The following FNDC3B variants were observed in gnomAD, a reference collection of about 807,000 sequenced individuals.
The protein encoded by FNDC3B is fibronectin type III domain-containing protein 3B.
A neutral mutation model predicts 151.5 loss-of-function variants in FNDC3B; 12 were observed. That is an observed-to-expected ratio of 0.08 (90% CI 0.05 to 0.13). The LOEUF (loss-of-function observed/expected upper bound fraction) is 0.13, where lower values mean the gene tolerates loss of function less well. Among genes scored for constraint, FNDC3B ranks in the 10% least tolerant of loss-of-function variants. The pLI is 1.00. For missense variants in FNDC3B, 1,214 were observed against 1,505.3 expected (o/e 0.81, Z 3.20); for synonymous variants, 528 against 549.0 (o/e 0.96, Z 0.54).
intron 16 of FNDC3B, 67 bp downstream of exon 16, chr3:172,337,468 T>C (rs748717967): frequency 1.0e-6 from 1 of 1,001,394 alleles, no homozygotes; most frequent in Non-Finnish European, 1.6e-6. Context: ...ATAGTAAATG[T>C]CTTTATAGTA....
intron 11 of FNDC3B, among the ~76,000 whole-genome samples, chr3:172,316,153 G>A (rs55686146): frequency 0.11 from 16,664 of 151,712 alleles, 948 homozygotes; most frequent in Middle Eastern, 0.19. Flanking sequence ...GATTACAGGC[G>A]TCTGCCACCA....
At chr3:172,296,846 G>C (rs1188713323) in intron 8 of FNDC3B, among the ~76,000 whole-genome samples, 2 of 152,174 alleles carry the variant, frequency 1.3e-5, no homozygotes, top group African/African-American at 4.8e-5. Flanking sequence ...GAGACCTGTG[G>C]ATATGCAGGG....
chr3:172,057,427 T>C (rs753022361), intron 1 of FNDC3B, among the ~76,000 whole-genome samples: 5 of 152,244 alleles, frequency 3.3e-5, no homozygotes, highest in Non-Finnish European at 7.3e-5. Flanking sequence ...ATGGAATGTT[T>C]GGCAGAGATG....
intron 23 of FNDC3B, among the ~76,000 whole-genome samples, chr3:172,368,553 C>A (rs566875): frequency 5.9e-5 from 9 of 152,122 alleles, no homozygotes; most frequent in African/African-American, 2.2e-4. Context: ...TCATGATTCT[C>A]GACATGGGTA....
At chr3:172,231,453 A>G (rs1726883633) in intron 4 of FNDC3B, among the ~76,000 whole-genome samples, 1 of 152,186 alleles carries the variant, frequency 6.6e-6, no homozygotes, top group Non-Finnish European at 1.5e-5. Flanking sequence ...AAATCTCAAT[A>G]AAGCTAGTAC....
chr3:172,383,558 G>A (rs1458868091), intron 25 of FNDC3B, among the ~76,000 whole-genome samples: 4 of 152,284 alleles, frequency 2.6e-5, no homozygotes, highest in Admixed American at 6.5e-5. Context: ...AATGTCAAAG[G>A]AATCACCCGG....
chr3:172,239,815 C>G (rs1469581949), intron 4 of FNDC3B, among the ~76,000 whole-genome samples: 2 of 145,982 alleles, frequency 1.4e-5, no homozygotes, highest in East Asian at 3.9e-4. Context: ...AACAACAACC[C>G]TCAAAAAAAT....
intron 10 of FNDC3B, among the ~76,000 whole-genome samples, chr3:172,310,012 T>G (rs1028822072): frequency 5.3e-5 from 8 of 152,070 alleles, no homozygotes; most frequent in African/African-American, 1.7e-4. Context: ...CCTGGCATGT[T>G]TTTGAAGTGG....
intron 3 of FNDC3B, among the ~76,000 whole-genome samples, chr3:172,162,314 G>A (rs546658274): frequency 6.6e-6 from 1 of 152,240 alleles, no homozygotes; most frequent in South Asian, 2.1e-4. Context: ...TGTAGCATGT[G>A]TCAGTTCTTC....
chr3:172,372,913 G>A (rs1734950580), intron 23 of FNDC3B, among the ~76,000 whole-genome samples: 1 of 152,182 alleles, frequency 6.6e-6, no homozygotes, highest in Non-Finnish European at 1.5e-5. Context: ...TTACAAATGG[G>A]AGGAACTGAC....
Position 172,222,117 on chromosome 3 carries a change from A to G in FNDC3B, c.188-4754A>G, listed in dbSNP as rs560081052. Among the ~76,000 whole-genome samples, 10 of 152,306 alleles carry G rather than the reference A, an allele frequency of 6.6e-5. No individual in the cohort carries two copies. The South Asian group carries it at 8.3e-4, about 13-fold the overall frequency. ...TTTTGAGCAAGATGATATTTAAATC[A>G]ATTAGGAAAAAATGTGATCTATTGC... On this transcript the variant is annotated intron_variant, in intron 3 of 25. Transcript: ENST00000415807.
chr3:172,335,045 A>C lies in FNDC3B; in HGVS notation c.1743A>C (p.Lys581Asn), dbSNP rs1000533346. 1.9e-6 allele frequency: 3 copies of C among 1,612,690 alleles called. No individual in the cohort carries two copies. In the East Asian group the frequency reaches 6.7e-5, roughly 36 times the overall value. Residue 581 changes from lysine to asparagine, a missense_variant, in exon 15 of 26, where the codon AAA (lysine) becomes AAC (asparagine). Lys to Asn is a moderately conservative substitution (Grantham distance 94, BLOSUM62 0). This residue lies in a region of FNDC3B where 380 missense variants were observed against 420.9 expected (regional missense o/e 0.90). Transcript: ENST00000415807. ...RPGPPTRPLVKGPVTSHGFSV... is the reference protein window; with the variant it reads ...RPGPPTRPLVNGPVTSHGFSV... ...GACCTCCTACCAGACCGCTTGTCAA[A>C]GGCCCAGTTACATCTCATGGCTTTA...
At chr3:172,110,543 C>G (rs2108537240) in intron 1 of FNDC3B, among the ~76,000 whole-genome samples, 1 of 151,996 alleles carries the variant, frequency 6.6e-6, no homozygotes, top group East Asian at 2.0e-4. Flanking sequence ...GGGTTTACTC[C>G]TCTTGCCTTG....
At chr3:172,171,481 C>T (rs1723278953) in intron 3 of FNDC3B, among the ~76,000 whole-genome samples, 1 of 151,992 alleles carries the variant, frequency 6.6e-6, no homozygotes, top group African/African-American at 2.4e-5. Context: ...CTTTTTAAAA[C>T]TCTCTTTGCA....
At chr3:172,084,858 A>G (rs1718469768) in intron 1 of FNDC3B, among the ~76,000 whole-genome samples, 2 of 152,356 alleles carry the variant, frequency 1.3e-5, no homozygotes, top group Non-Finnish European at 2.9e-5. Flanking sequence ...CTTGCATACT[A>G]CATAATTTAC....
At chr3:172,385,527 A>C (rs1247959634) in intron 25 of FNDC3B, among the ~76,000 whole-genome samples, 1 of 151,864 alleles carries the variant, frequency 6.6e-6, no homozygotes, top group Non-Finnish European at 1.5e-5. Flanking sequence ...AATCACCCCT[A>C]ATAGGATAAT....
intron 25 of FNDC3B, among the ~76,000 whole-genome samples, chr3:172,386,108 T>TGGAA (rs1735694776): frequency 2.0e-5 from 3 of 152,244 alleles, no homozygotes; most frequent in Non-Finnish European, 4.4e-5. Context: ...CTTTTGCCAT[T>TGGAA]TAATAAATAT....
In FNDC3B at chr3:172,399,282, CT is replaced by C. The variant is rs1433210949; in HGVS notation, c.*1811del. The C allele has an allele frequency of 6.6e-6, 1 of 152,034 alleles. No homozygotes were observed. Among genetic ancestry groups the C allele is most frequent in the Non-Finnish European group, 1.5e-5 (1 of 67,904 alleles). 9.4% of individuals were successfully genotyped at this position (152,034 alleles called of 1,614,324 possible). The stretch of plus-strand genomic sequence containing the variant: ...GCATGTTATATTTTTGTGTTTTATA[CT>C]TTTGTAATTTTAGGTCAGTCTTGTT... On this transcript the variant is annotated 3_prime_UTR_variant, in exon 26 of 26. Coordinates refer to ENST00000415807, the MANE Select transcript of FNDC3B (RefSeq NM_022763.4).
At chr3:172,315,488 T>G (rs1219437135) in intron 11 of FNDC3B, among the ~76,000 whole-genome samples, 1 of 152,238 alleles carries the variant, frequency 6.6e-6, no homozygotes, top group Non-Finnish European at 1.5e-5. Flanking sequence ...GTGTGGCCAT[T>G]CCTTGCCAAG....
Sources: allele counts gnomAD v4.1 joint callset (sites outside exome capture counted in the v4.1 genomes callset), GRCh38; gene constraint gnomAD v4.1.1; regional missense constraint gnomAD v4.1.1; transcripts MANE v1.5; gene names NCBI Gene and HGNC (gene_info 2026-07-23, HGNC 2026-07-21).